Variants in RBFOX1 observed in about 807,000 individuals in gnomAD.
RBFOX1 encodes the protein RNA binding protein fox-1 homolog 1.
In RBFOX1, 8 loss-of-function variants were observed where a neutral mutation model predicts 57.7. That is an observed-to-expected ratio of 0.14 (90% CI 0.08 to 0.25). The LOEUF (loss-of-function observed/expected upper bound fraction) is 0.25, where lower values mean the gene tolerates loss of function less well. Ranked by LOEUF, RBFOX1 falls within the 10% of genes least tolerant of loss-of-function variation. The pLI is 1.00. For missense variants in RBFOX1, 611 were observed against 548.5 expected (o/e 1.11, Z -1.14); for synonymous variants, 326 against 222.4 (o/e 1.47, Z -4.15).
Position 6,329,448 on chromosome 16 carries a change from C to T in RBFOX1, c.-64+12391C>T, listed in dbSNP as rs140785562. Among the ~76,000 whole-genome samples, 1,219 of 152,312 alleles carry T rather than the reference C, an allele frequency of 8.0e-3. 3 individuals are homozygous for T. The highest frequency in any genetic ancestry group is 0.01 in the Non-Finnish European group (686 of 68,040). Reference sequence around the variant, plus strand: ...CCACCCATCTCAACTGTGGAGTCTACGCTCTTGACCACTATACTAAACTCT... The same window carrying T: ...CCACCCATCTCAACTGTGGAGTCTATGCTCTTGACCACTATACTAAACTCT... On this transcript the variant is annotated intron_variant, in intron 2 of 15. Coordinates refer to ENST00000550418, the MANE Select transcript of RBFOX1 (RefSeq NM_018723.4).
At chr16:5,255,503 T>G (rs1410932338) in intron 1 of RBFOX1, among the ~76,000 whole-genome samples, 2 of 151,456 alleles carry the variant, frequency 1.3e-5, no homozygotes, top group African/African-American at 2.4e-5. Flanking sequence ...AAACCATCTA[T>G]CCATCTACTT....
intron 3 of RBFOX1, among the ~76,000 whole-genome samples, chr16:6,802,503 C>G (rs1347370771): frequency 6.6e-6 from 1 of 152,024 alleles, no homozygotes; most frequent in Non-Finnish European, 1.5e-5. Flanking sequence ...TTGGCAAAAC[C>G]CTGTCTCTAC....
At chr16:6,820,856 T>C (rs2091170188) in intron 3 of RBFOX1, among the ~76,000 whole-genome samples, 1 of 152,190 alleles carries the variant, frequency 6.6e-6, no homozygotes, top group African/African-American at 2.4e-5. Context: ...AGTTAATTAT[T>C]TTTGACCCAT....
At chr16:6,680,542 C>T (rs969038346) in intron 3 of RBFOX1, among the ~76,000 whole-genome samples, 4 of 152,220 alleles carry the variant, frequency 2.6e-5, no homozygotes, top group African/African-American at 7.2e-5. Context: ...GGATTACAGG[C>T]GTAAGCCACC....
chr16:6,829,950 C>G (rs188864507), intron 3 of RBFOX1, among the ~76,000 whole-genome samples: 5 of 150,664 alleles, frequency 3.3e-5, no homozygotes, highest in East Asian at 2.0e-4. Flanking sequence ...GAGTTTTGCT[C>G]TTGTTGCCCA....
chr16:5,668,423 G>A (rs903927325), intron 3 of RBFOX1, among the ~76,000 whole-genome samples: 2 of 152,190 alleles, frequency 1.3e-5, no homozygotes, highest in Admixed American at 1.3e-4. Flanking sequence ...CTGTGAGAAA[G>A]AGAAGTGCTT....
intron 9 of RBFOX1, among the ~76,000 whole-genome samples, chr16:7,603,347 G>C (rs1568043888): frequency 6.6e-6 from 1 of 152,172 alleles, no homozygotes; most frequent in Non-Finnish European, 1.5e-5. Context: ...CATTTTAGGT[G>C]CTGGAGATTC....
intron 3 of RBFOX1, among the ~76,000 whole-genome samples, chr16:5,845,563 C>T (rs973895880): frequency 2.0e-4 from 30 of 152,296 alleles, no homozygotes; most frequent in Middle Eastern, 3.4e-3. Flanking sequence ...GTTGATGACC[C>T]GGGGCAGGTG....
At chr16:7,597,230 C>G in intron 8 of RBFOX1, 141 bp from the exon 9 acceptor site, 3 of 556,512 alleles carry the variant, frequency 5.4e-6, no homozygotes, top group South Asian at 2.8e-5. Context: ...TGTTATGCAC[C>G]TACTGCCTTT....
chr16:6,588,120 A>G (rs1264213823), intron 2 of RBFOX1, among the ~76,000 whole-genome samples: 1 of 151,820 alleles, frequency 6.6e-6, no homozygotes, highest in Admixed American at 6.6e-5. Context: ...AATCCCAGCT[A>G]CTCGGGAGGC....
intron 3 of RBFOX1, among the ~76,000 whole-genome samples, chr16:7,008,478 T>A (rs1267223503): frequency 6.6e-6 from 1 of 151,978 alleles, no homozygotes; most frequent in Non-Finnish European, 1.5e-5. Context: ...AAGCAAAGGT[T>A]GCAGTGATCT....
intron 1 of RBFOX1, among the ~76,000 whole-genome samples, chr16:5,354,710 G>A (rs1429899819): frequency 1.3e-5 from 2 of 152,216 alleles, no homozygotes; most frequent in African/African-American, 4.8e-5. Flanking sequence ...TGTCTTAAGT[G>A]TGGTCCTTCT....
Position 6,168,531 on chromosome 16 carries a change from G to A in RBFOX1, c.-126-148464G>A, listed in dbSNP as rs535797071. Among the ~76,000 whole-genome samples, 28 of 152,258 alleles carry A rather than the reference G, an allele frequency of 1.8e-4. No homozygotes were observed. The South Asian group carries it at 5.4e-3, about 29-fold the overall frequency. ...CAATTCAACCTTGAAAATGGGTTTT[G>A]ATCATTACCGATTATGTATAAAAAT... On this transcript the variant is annotated intron_variant, in intron 1 of 15. Coordinates refer to ENST00000550418, the MANE Select transcript of RBFOX1 (RefSeq NM_018723.4).
intron 1 of RBFOX1, among the ~76,000 whole-genome samples, chr16:6,262,395 G>C (rs901490129): frequency 6.6e-6 from 1 of 152,116 alleles, no homozygotes; most frequent in East Asian, 1.9e-4. Flanking sequence ...TATGGCGGTG[G>C]GGGGTGGTGA....
rs143700756 is a variant in RBFOX1, at chr16:7,542,230, G to T, written c.270+23841G>T. Among the ~76,000 whole-genome samples, 291 of 152,200 alleles carry T rather than the reference G, an allele frequency of 1.9e-3. 2 individuals are homozygous for T. The highest frequency in any genetic ancestry group is 6.3e-3 in the African/African-American group (262 of 41,530). On this transcript the variant is annotated intron_variant, in intron 5 of 15. Transcript: ENST00000550418. Reference sequence around the variant, plus strand: ...ATACACAGAGAAGACTGGTCAAAGGGGAAAGAAAATAATTCCTTTTAAATA... The same window carrying T: ...ATACACAGAGAAGACTGGTCAAAGGTGAAAGAAAATAATTCCTTTTAAATA...
intron 3 of RBFOX1, among the ~76,000 whole-genome samples, chr16:5,821,287 T>TG (rs1346482482): frequency 7.5e-5 from 11 of 146,114 alleles, no homozygotes; most frequent in African/African-American, 2.5e-4. Flanking sequence ...TGTCATTCTC[T>TG]CTTTTTTTAT....
chr16:5,413,696 A>T (rs1178888138), intron 1 of RBFOX1, among the ~76,000 whole-genome samples: 1 of 152,228 alleles, frequency 6.6e-6, no homozygotes, highest in Non-Finnish European at 1.5e-5. Flanking sequence ...TAAGTGGTCA[A>T]CAATTAAAGC....
chr16:5,714,736 C>A (rs367673509), intron 3 of RBFOX1, among the ~76,000 whole-genome samples: 1 of 152,170 alleles, frequency 6.6e-6, no homozygotes, highest in African/African-American at 2.4e-5. Flanking sequence ...GATTGTAATA[C>A]TGTATTGTGC....
At chr16:7,096,487 AAGT>A (rs2061716217) in intron 4 of RBFOX1, among the ~76,000 whole-genome samples, 2 of 152,140 alleles carry the variant, frequency 1.3e-5, no homozygotes, top group African/African-American at 4.8e-5. Flanking sequence ...CTCATCCAAG[AAGT>A]AGTAGGCTCT....
Sources: gnomAD v4.1 joint callset for allele counts (sites outside exome capture counted in the v4.1 genomes callset) on GRCh38, gnomAD v4.1.1 for gene constraint, MANE v1.5 for transcripts, NCBI Gene and HGNC (gene_info 2026-07-23, HGNC 2026-07-21) for gene names.